KLHL11: variants seen among roughly 807,000 people sequenced by gnomAD.
KLHL11 encodes kelch-like protein 11.
In KLHL11, 26 loss-of-function variants were observed where a neutral mutation model predicts 56.1. That is an observed-to-expected ratio of 0.46 (90% CI 0.34 to 0.64). KLHL11 has a LOEUF of 0.64. Ranked by LOEUF, KLHL11 falls within the 30% of genes least tolerant of loss-of-function variation. The probability of loss-of-function intolerance (pLI) is 0.01; values close to 1 mark genes in which losing one functional copy is unlikely to be tolerated. For synonymous variants in KLHL11, 338 were observed against 345.8 expected, an observed-to-expected ratio of 0.98 and a Z score of 0.25; for missense variants, 627 against 919.4, an observed-to-expected ratio of 0.68 and a Z score of 4.11.
At chr17:41,859,935 C>T (rs534855555) in intron 1 of KLHL11, among the ~76,000 whole-genome samples, 3 of 152,234 alleles carry the variant, frequency 2.0e-5, no homozygotes, top group South Asian at 4.2e-4. Context: ...TCCCCAGAAC[C>T]GAGAAGAACC....
At chr17:41,864,409 C>T (rs576793870) in intron 1 of KLHL11, among the ~76,000 whole-genome samples, 124 of 152,324 alleles carry the variant, frequency 8.1e-4, no homozygotes, top group African/African-American at 3.0e-3. Flanking sequence ...TGCCTGAGGG[C>T]GTTTGCGCTG....
At chr17:41,860,808 C>T (rs1260354537) in intron 1 of KLHL11, among the ~76,000 whole-genome samples, 4 of 152,126 alleles carry the variant, frequency 2.6e-5, no homozygotes. Flanking sequence ...CAGTTGTACC[C>T]TATACTTTGC....
chr17:41,864,713 CA>C (rs1369040566), intron 1 of KLHL11, 112 bp downstream of exon 1: 1 of 1,083,036 alleles, frequency 9.2e-7, no homozygotes, highest in African/African-American at 1.7e-5. Flanking sequence ...GAAACCAATG[CA>C]TTCACTCAGG....
At chr17:41,863,517 A>C (rs2048418193) in intron 1 of KLHL11, among the ~76,000 whole-genome samples, 1 of 152,140 alleles carries the variant, frequency 6.6e-6, no homozygotes, top group Admixed American at 6.5e-5. Context: ...TTTTCAGCAC[A>C]GCACTATTCA....
intron 1 of KLHL11, among the ~76,000 whole-genome samples, chr17:41,857,303 G>A (rs1430546146): frequency 1.3e-5 from 2 of 151,660 alleles, no homozygotes; most frequent in Admixed American, 6.6e-5. Context: ...TCAGGAGTTC[G>A]AAAGCAGCCT....
In KLHL11 at chr17:41,854,025, T is replaced by C; in HGVS notation, c.1842A>G (p.Ile614Met). The C allele has an allele frequency of 3.1e-6, 5 of 1,614,190 alleles. No individual in the cohort carries two copies. The highest frequency in any genetic ancestry group is 3.4e-6 in the Non-Finnish European group (4 of 1,180,002). Residue 614 changes from isoleucine (I) to methionine (M), a missense_variant, in exon 2 of 2, where the codon ATA becomes ATG. Around this residue, in one of 4 missense-constraint regions of KLHL11, gnomAD observed 250 missense variants for 360.6 expected, o/e 0.69. Transcript: ENST00000319121. The surrounding 1 kb of genome is among the most constrained non-coding windows in gnomAD (Gnocchi z 4.9). ...ICYYKDDVFI[I>M]GGWKNSDDID... is the part of the protein sequence containing the mutation. ...TATCATCACTGTTTTTCCAGCCTCC[T>C]ATAATGAAGACATCATCTTTGTAAT...
rs142916099 is a variant in KLHL11, at chr17:41,854,886, C to T, written c.981G>A (p.Glu327=). ...TATTCTCAGCTCTCAGAGCATGTCT[C>T]TCCACTGCGTCAGCGACCAACTTGA... The part of the protein sequence containing the change: ...VCVKLVADAV[E]RHALRAENIQ... The change falls in exon 2 of 2, where the codon GAG becomes GAA. Residue 327 remains glutamate, a synonymous_variant. Transcript: ENST00000319121. This position sits in a 1 kb window ranked among gnomAD's most constrained non-coding sequence, Gnocchi z 4.9. 1.3e-4 allele frequency: 210 copies of T among 1,614,110 alleles called. No homozygotes were observed. The highest frequency in any genetic ancestry group is 6.6e-4 in the Middle Eastern group (4 of 6,084).
chr17:41,857,159 G>A (rs1286254792), intron 1 of KLHL11, among the ~76,000 whole-genome samples: 2 of 151,828 alleles, frequency 1.3e-5, no homozygotes, highest in Non-Finnish European at 2.9e-5. Flanking sequence ...TCGTGCCTGT[G>A]AATAGCCACT....
In KLHL11 at chr17:41,854,409, C is replaced by G. The variant is rs782538979; in HGVS notation, c.1458G>C (p.Ser486=). The change falls in exon 2 of 2, where the codon TCG becomes TCC. Residue 486 remains serine (S), a synonymous_variant. Coordinates refer to ENST00000319121, the MANE Select transcript of KLHL11 (RefSeq NM_018143.3). This position sits in a 1 kb window ranked among gnomAD's most constrained non-coding sequence, Gnocchi z 4.9. ...PELDKWHNLE[S]APKILRDVKA... ...TGACATCTCGAAGAATCTTTGGTGCCGATTCCAAGTTGTGCCATTTATCAA... is the reference window on the plus strand; with the variant it reads ...TGACATCTCGAAGAATCTTTGGTGCGGATTCCAAGTTGTGCCATTTATCAA... The G allele has an allele frequency of 5.6e-6, 9 of 1,614,002 alleles. No homozygotes were observed. Among genetic ancestry groups the G allele is most frequent in the Admixed American group, 3.3e-5 (2 of 59,990 alleles).
At chr17:41,858,528 G>A (rs2048382750) in intron 1 of KLHL11, among the ~76,000 whole-genome samples, 1 of 151,718 alleles carries the variant, frequency 6.6e-6, no homozygotes, top group Non-Finnish European at 1.5e-5. Context: ...CGCCTCCCGG[G>A]TTCAAGCGAT....
chr17:41,858,277 A>G (rs1597948996), intron 1 of KLHL11, among the ~76,000 whole-genome samples: 1 of 129,044 alleles, frequency 7.7e-6, no homozygotes, highest in Admixed American at 9.3e-5. Context: ...CCCAGGCTGG[A>G]GTGCAGTGGT....
intron 1 of KLHL11, among the ~76,000 whole-genome samples, chr17:41,862,016 T>C (rs1355796379): frequency 3.3e-5 from 5 of 152,122 alleles, no homozygotes; most frequent in African/African-American, 9.7e-5. Flanking sequence ...GTTGACAGAG[T>C]TGACACGACT....
At position 41,865,168 on chromosome 17, in the gene KLHL11, G is replaced by C; in HGVS notation, c.203C>G (p.Ala68Gly). Residue 68 changes from alanine (A) to glycine (G), a missense_variant, in exon 1 of 2, where the codon GCC becomes GGC. Ala to Gly is a moderately conservative substitution (Grantham distance 60). Transcript: ENST00000319121. ...GTGAGAGCTGCACTCGAAATCCTCG[G>C]CTTCTGGGCCCGGATCGCCCCCGCT... ...EASGGDPGPE[A>G]EDFECSSHCS... 1 of 1,609,956 alleles carries C rather than the reference G, an allele frequency of 6.2e-7. No homozygotes were observed. Among genetic ancestry groups the C allele is most frequent in the Non-Finnish European group, 8.5e-7 (1 of 1,178,940 alleles).
At position 41,852,376 on chromosome 17, in the gene KLHL11, G is replaced by A. The variant is rs534942318; in HGVS notation, c.*1364C>T. Among the ~76,000 whole-genome samples, 89 of 152,260 alleles carry A rather than the reference G, an allele frequency of 5.8e-4. No homozygotes were observed. Among genetic ancestry groups the A allele is most frequent in the African/African-American group, 2.1e-3 (88 of 41,550 alleles). On this transcript the variant is annotated 3_prime_UTR_variant, in exon 2 of 2. Transcript: ENST00000319121. ...ATTTGGTATCCTAGGCTCAGGCAAA[G>A]TTTGAAAGTGTGGGGCAACTGGATA...
At chr17:41,860,663 C>T (rs2048397210) in intron 1 of KLHL11, among the ~76,000 whole-genome samples, 1 of 152,064 alleles carries the variant, frequency 6.6e-6, no homozygotes. Flanking sequence ...CCTTTTCCAC[C>T]CATTTTCATG....
rs372467409 is a variant in KLHL11, at chr17:41,859,333, G to A, written c.546-4012C>T. Among the ~76,000 whole-genome samples the A allele has an allele frequency of 2.1e-4, 32 of 152,308 alleles. 1 individual carries two copies. The South Asian group carries it at 5.6e-3, about 27-fold the overall frequency. ...AATCCCAACACTTTGGGAGGCTGAGGTGGGTGGATCACCTGAGGTCAGGAG... is the reference window on the plus strand; with the variant it reads ...AATCCCAACACTTTGGGAGGCTGAGATGGGTGGATCACCTGAGGTCAGGAG... On this transcript the variant is annotated intron_variant, in intron 1 of 1. Coordinates refer to ENST00000319121, the MANE Select transcript of KLHL11 (RefSeq NM_018143.3).
chr17:41,857,218 G>A (rs982580454), intron 1 of KLHL11, among the ~76,000 whole-genome samples: 1 of 150,846 alleles, frequency 6.6e-6, no homozygotes, highest in African/African-American at 2.4e-5. Flanking sequence ...AAAAAAAAGC[G>A]TATACAGGCC....
At chr17:41,859,838 C>A (rs186598575) in intron 1 of KLHL11, among the ~76,000 whole-genome samples, 3 of 152,242 alleles carry the variant, frequency 2.0e-5, no homozygotes, top group Non-Finnish European at 4.4e-5. Context: ...TTTAAAAAAA[C>A]CACAATCGTT....
chr17:41,855,361 G>A lies in KLHL11; in HGVS notation c.546-40C>T, dbSNP rs374028309. The A allele has an allele frequency of 3.5e-5, 50 of 1,442,332 alleles. No homozygotes were observed. The South Asian group carries it at 5.4e-4, about 15-fold the overall frequency. 89.3% of individuals were successfully genotyped at this position (1,442,332 alleles called of 1,614,324 possible). A position where few individuals can be genotyped will look rare whatever the true frequency, so the allele number is the denominator to read the frequency against. On this transcript the variant is annotated intron_variant, in intron 1 of 1. Transcript: ENST00000319121. Reference sequence around the variant, plus strand: ...AAGAGAAAAGATTAATTTTTCAAATGTGCATATTTTATGTGGTTACTTTTT... The same window carrying A: ...AAGAGAAAAGATTAATTTTTCAAATATGCATATTTTATGTGGTTACTTTTT...
Sources: gnomAD v4.1 joint callset for allele counts (sites outside exome capture counted in the v4.1 genomes callset) on GRCh38, gnomAD v4.1.1 for gene constraint, gnomAD v4.1.1 regional missense constraint, Gnocchi (gnomAD v3.1) non-coding constraint, MANE v1.5 for transcripts, NCBI Gene and HGNC (gene_info 2026-07-23, HGNC 2026-07-21) for gene names.